SLC37A3: variants seen among roughly 807,000 people sequenced by gnomAD.
SLC37A3 encodes sugar phosphate exchanger 3.
Under a neutral mutation model 67.1 loss-of-function variants are expected in SLC37A3, and 51 were observed. The ratio of observed to expected loss-of-function variants is 0.76; its 90% CI spans 0.61 to 0.96. The LOEUF is 0.96. Among genes scored for constraint, SLC37A3 ranks in the 40% least tolerant of loss-of-function variants. The pLI, the probability that SLC37A3 is intolerant of heterozygous loss-of-function variation, is 0.00. For synonymous variants in SLC37A3, 214 were observed against 231.4 expected, an observed-to-expected ratio of 0.92 and a Z score of 0.68; for missense variants, 508 against 603.0, an observed-to-expected ratio of 0.84 and a Z score of 1.65.
Position 140,355,641 on chromosome 7 carries a change from G to A in SLC37A3, c.618+27C>T, listed in dbSNP as rs773316213. The A allele has an allele frequency of 5.1e-6, 8 of 1,560,992 alleles. No individual in the cohort carries two copies. In the South Asian group the frequency reaches 5.6e-5, roughly 11 times the overall value. On this transcript the variant is annotated intron_variant, in intron 7 of 14. Coordinates refer to ENST00000326232, the MANE Select transcript of SLC37A3 (RefSeq NM_207113.3). ...ATGTGCACACAGAGAGAGAGAGAGAGCACCAGAGCTAGAAAACAATACCTA... is the reference window on the plus strand; with the variant it reads ...ATGTGCACACAGAGAGAGAGAGAGAACACCAGAGCTAGAAAACAATACCTA...
intron 14 of SLC37A3, among the ~76,000 whole-genome samples, chr7:140,336,081 G>T (rs1325302090): frequency 2.0e-5 from 3 of 152,360 alleles, no homozygotes; most frequent in South Asian, 2.1e-4. Context: ...GATACTGAAT[G>T]CGTCCCTGGT....
intron 8 of SLC37A3, chr7:140,351,694 TTAAC>T: frequency 1.7e-6 from 1 of 574,328 alleles, no homozygotes; most frequent in Non-Finnish European, 3.1e-6. Context: ...TAATCTGTAT[TTAAC>T]TACAGGTTAA....
Position 140,334,130 on chromosome 7 carries a change from C to G in SLC37A3, c.*1282G>C, listed in dbSNP as rs1796046004. ...CATTCATGTGATTCAATGTCATGTA[C>G]AGACAGTCCTCAGCTTCTGATTTTT... is the stretch of plus-strand genomic sequence containing the variant. On this transcript the variant is annotated 3_prime_UTR_variant, in exon 15 of 15. Transcript: ENST00000326232. 6.6e-6 allele frequency: 1 copy of G among 152,160 alleles called. No individual in the cohort carries two copies. The highest frequency in any genetic ancestry group is 6.5e-5 in the Admixed American group (1 of 15,268). The allele number at this position is 152,160 out of a possible 1,614,324, so 9.4% of individuals were successfully genotyped here.
chr7:140,368,221 G>T (rs1467890841), intron 4 of SLC37A3, among the ~76,000 whole-genome samples: 4 of 152,082 alleles, frequency 2.6e-5, no homozygotes, highest in African/African-American at 7.2e-5. Flanking sequence ...GCCCTCGCCT[G>T]TTCTCTTGAT....
intron 2 of SLC37A3, 61 bp from the exon 3 acceptor site, chr7:140,380,451 C>T: frequency 3.2e-6 from 4 of 1,231,620 alleles, no homozygotes; most frequent in Non-Finnish European, 3.5e-6. Context: ...TCAATAAAAT[C>T]ACAGGTATAG....
chr7:140,346,918 C>A (rs1796585433), intron 10 of SLC37A3, among the ~76,000 whole-genome samples: 1 of 151,830 alleles, frequency 6.6e-6, no homozygotes, highest in African/African-American at 2.4e-5. Flanking sequence ...GCCTGGGCAA[C>A]AGAGCAAGAC....
chr7:140,392,451 G>A (rs900604957), intron 1 of SLC37A3, among the ~76,000 whole-genome samples: 2 of 151,984 alleles, frequency 1.3e-5, no homozygotes, highest in East Asian at 1.9e-4. Flanking sequence ...CCAGCCTCTC[G>A]GTTCTGGTCC....
At chr7:140,362,512 C>A (rs1452710858) in intron 5 of SLC37A3, among the ~76,000 whole-genome samples, 1 of 143,934 alleles carries the variant, frequency 6.9e-6, no homozygotes. Flanking sequence ...AGTGAGGACC[C>A]CTCTGCCCGG....
chr7:140,341,004 T>C (rs1424219965), intron 13 of SLC37A3, among the ~76,000 whole-genome samples: 3 of 151,866 alleles, frequency 2.0e-5, no homozygotes, highest in Admixed American at 2.0e-4. Flanking sequence ...GGTGTGATCA[T>C]GGCTCACTGC....
intron 1 of SLC37A3, among the ~76,000 whole-genome samples, chr7:140,388,317 C>T (rs1219533463): frequency 6.6e-6 from 1 of 151,178 alleles, no homozygotes; most frequent in African/African-American, 2.4e-5. Context: ...CCTGTAGTCC[C>T]AGCTACTCAG....
chr7:140,343,636 A>G (rs1796446059), intron 12 of SLC37A3, 73 bp from the exon 13 acceptor site: 2 of 1,465,240 alleles, frequency 1.4e-6, no homozygotes, highest in African/African-American at 2.8e-5. Flanking sequence ...AGGCAAAATA[A>G]TATCCGAATA....
intron 1 of SLC37A3, among the ~76,000 whole-genome samples, chr7:140,387,704 TATAA>T (rs1271517079): frequency 9.2e-6 from 1 of 108,692 alleles, no homozygotes; most frequent in Non-Finnish European, 1.7e-5. Context: ...ATTATATAAA[TATAA>T]ATATACTATA....
chr7:140,336,978 A>C (rs1236498850), intron 14 of SLC37A3, among the ~76,000 whole-genome samples: 1 of 151,870 alleles, frequency 6.6e-6, no homozygotes, highest in Non-Finnish European at 1.5e-5. Context: ...AGGCGCCTGT[A>C]ATCCCAGCTA....
intron 4 of SLC37A3, among the ~76,000 whole-genome samples, chr7:140,368,693 T>C (rs1797702857): frequency 6.6e-6 from 1 of 152,182 alleles, no homozygotes; most frequent in South Asian, 2.1e-4. Flanking sequence ...CTTCATCATC[T>C]GGGCAGCAGA....
chr7:140,351,203 A>G, intron 9 of SLC37A3, 70 bp downstream of exon 9: 1 of 1,462,030 alleles, frequency 6.8e-7, no homozygotes, highest in African/African-American at 1.4e-5. Flanking sequence ...AGGAAGCTTT[A>G]TCTCAGGCAG....
At chr7:140,393,573 A>T (rs993705985) in intron 1 of SLC37A3, among the ~76,000 whole-genome samples, 1 of 152,082 alleles carries the variant, frequency 6.6e-6, no homozygotes. Flanking sequence ...TTCTTCCACG[A>T]GAGGAGTGTT....
intron 11 of SLC37A3, 48 bp from the exon 12 acceptor site, chr7:140,345,311 C>T: frequency 6.7e-7 from 1 of 1,489,666 alleles, no homozygotes; most frequent in Non-Finnish European, 9.4e-7. Flanking sequence ...AAAGCAGACT[C>T]CACGTGCCTC....
chr7:140,391,723 A>G (rs1798732132), intron 1 of SLC37A3, among the ~76,000 whole-genome samples: 1 of 152,204 alleles, frequency 6.6e-6, no homozygotes. Flanking sequence ...GTGGTCCAGG[A>G]CATATACCCC....
At chr7:140,387,786 A>T (rs1798544570) in intron 1 of SLC37A3, among the ~76,000 whole-genome samples, 1 of 79,334 alleles carries the variant, frequency 1.3e-5, no homozygotes, top group Non-Finnish European at 2.2e-5. Context: ...CATAAATATA[A>T]ATATATTATA....
Sources: allele counts gnomAD v4.1 joint callset (sites outside exome capture counted in the v4.1 genomes callset), GRCh38; gene constraint gnomAD v4.1.1; transcripts MANE v1.5; gene names NCBI Gene and HGNC (gene_info 2026-07-23, HGNC 2026-07-21).